Variants in PLEKHA6 observed in about 807,000 individuals in gnomAD.
The protein encoded by PLEKHA6 is pleckstrin homology domain containing A6.
PLEKHA6 carries 60 observed loss-of-function variants against 116.7 expected under a neutral mutation model. The ratio of observed to expected loss-of-function variants is 0.51; its 90% CI spans 0.42 to 0.64. The LOEUF (loss-of-function observed/expected upper bound fraction) is 0.64, where lower values mean the gene tolerates loss of function less well. Ranked by LOEUF, PLEKHA6 falls within the 30% of genes least tolerant of loss-of-function variation. The probability of loss-of-function intolerance (pLI) is 0.00; values close to 1 mark genes in which losing one functional copy is unlikely to be tolerated. For missense variants in PLEKHA6, 1,338 were observed against 1,422.7 expected (o/e 0.94, Z 0.96); for synonymous variants, 489 against 556.1 (o/e 0.88, Z 1.70).
In PLEKHA6 at chr1:204,223,531, G is replaced by T. The variant is rs145148095; in HGVS notation, c.3086C>A (p.Ala1029Glu). The T allele has an allele frequency of 6.4e-7, 1 of 1,550,744 alleles. No homozygotes were observed. The highest frequency in any genetic ancestry group is 8.7e-7 in the Non-Finnish European group (1 of 1,146,372). Reference protein sequence around the residue: ...PTSPASPAPPANPLSSESPRG... With the variant: ...PTSPASPAPPENPLSSESPRG... ...TGGGGATTCAGACGACAGGGGGTTT[G>T]CTGGAGGAGCCGGGGAAGCAGGGGA... Residue 1029 changes from alanine (A) to glutamate (E), a missense_variant, in exon 22 of 23, where the codon GCA (alanine) becomes GAA (glutamate). Coordinates refer to ENST00000272203, the MANE Select transcript of PLEKHA6 (RefSeq NM_014935.5). This position sits in a 1 kb window ranked among gnomAD's most constrained non-coding sequence, Gnocchi z 4.8.
intron 1 of PLEKHA6, among the ~76,000 whole-genome samples, chr1:204,305,292 G>A (rs1041048955): frequency 2.6e-5 from 4 of 152,182 alleles, no homozygotes; most frequent in East Asian, 1.9e-4. Context: ...AGGAAAGTGC[G>A]TGCATTGCTG....
At chr1:204,347,113 T>C in intron 1 of PLEKHA6, 1 of 1,185,624 alleles carries the variant, frequency 8.4e-7, no homozygotes, top group South Asian at 1.2e-5. Flanking sequence ...CATTCCTTTT[T>C]GAACAGTACC....
At chr1:204,309,928 A>C (rs1339752095) in intron 1 of PLEKHA6, 1 of 152,596 alleles carries the variant, frequency 6.6e-6, no homozygotes. Flanking sequence ...GAGCAGAAAC[A>C]AAAAAGCATA....
rs1475287376 is a variant in PLEKHA6 at position 204,229,030 on chromosome 1, G to C, written c.2658C>G (p.Gly886=). ...CCCGGGGTGTCTCGTAGGCATGCCCGCCAGGCTCCTCTGCCCGCAGGGCTG... is the reference window on the plus strand; with the variant it reads ...CCCGGGGTGTCTCGTAGGCATGCCCCCCAGGCTCCTCTGCCCGCAGGGCTG... ...LEAALRAEEP[G]GHAYETPREE... The change falls in exon 19 of 23, where the codon GGC becomes GGG. Residue 886 remains glycine, a synonymous_variant. Transcript: ENST00000272203. 6.2e-7 allele frequency: 1 copy of C among 1,614,096 alleles called. No homozygotes were observed. The highest frequency in any genetic ancestry group is 8.5e-7 in the Non-Finnish European group (1 of 1,179,992).
At chr1:204,229,821 T>C (rs1043784532) in intron 18 of PLEKHA6, among the ~76,000 whole-genome samples, 3 of 152,234 alleles carry the variant, frequency 2.0e-5, no homozygotes, top group Admixed American at 6.5e-5. Context: ...ATTTCTAAAA[T>C]TTAATGGAAA....
intron 15 of PLEKHA6, chr1:204,243,185 T>A: frequency 2.5e-6 from 1 of 399,134 alleles, no homozygotes; most frequent in East Asian, 3.6e-5. Flanking sequence ...CGGCTCTCGC[T>A]AGGGAGTGGA....
intron 17 of PLEKHA6, among the ~76,000 whole-genome samples, chr1:204,232,067 A>T (rs547969111): frequency 8.5e-5 from 13 of 152,320 alleles, no homozygotes; most frequent in Admixed American, 7.2e-4. Context: ...GAAGGAAATG[A>T]GAAACGTGTT....
intron 9 of PLEKHA6, among the ~76,000 whole-genome samples, chr1:204,251,925 C>T (rs1664627538): frequency 6.6e-6 from 1 of 152,206 alleles, no homozygotes; most frequent in South Asian, 2.1e-4. Context: ...CGGTTGTCAT[C>T]TCCCTGCCCT....
intron 2 of PLEKHA6, chr1:204,367,976 A>C (rs940754280): frequency 1.3e-5 from 2 of 152,198 alleles, no homozygotes; most frequent in African/African-American, 4.8e-5. Context: ...GAAAATCCAA[A>C]TATAAGCCAG....
chr1:204,340,940 A>C (rs907585788), intron 1 of PLEKHA6, among the ~76,000 whole-genome samples: 1 of 152,238 alleles, frequency 6.6e-6, no homozygotes, highest in African/African-American at 2.4e-5. Context: ...TCTTTTGTCC[A>C]GAGAAGATGG....
intron 1 of PLEKHA6, among the ~76,000 whole-genome samples, chr1:204,308,192 T>C (rs1463808771): frequency 6.6e-6 from 1 of 152,176 alleles, no homozygotes; most frequent in Admixed American, 6.5e-5. Flanking sequence ...GATGATGACA[T>C]GGCTTGGCAA....
In PLEKHA6 at chr1:204,366,101, A is replaced by G. The variant is rs377527072; in HGVS notation, c.218+1698T>C. ...CCAGTCATGGGACACGAGGTCAGAG[A>G]GGTGGACAGGTACGTTTCTAGGGAC... On this transcript the variant is annotated intron_variant, in intron 3 of 4. Transcript: ENST00000564627. Among the ~76,000 whole-genome samples, 93 of 152,318 alleles carry G rather than the reference A, an allele frequency of 6.1e-4. 1 individual carries two copies. The Middle Eastern group carries it at 0.017, about 28-fold the overall frequency.
intron 1 of PLEKHA6, among the ~76,000 whole-genome samples, chr1:204,298,261 C>A (rs1670480038): frequency 6.6e-6 from 1 of 152,180 alleles, no homozygotes; most frequent in Admixed American, 6.5e-5. Flanking sequence ...TTGTGAGCCC[C>A]AGATGGAATG....
rs144864218 is a variant in PLEKHA6, at chr1:204,329,488, C to A, written c.-95+30206G>T. Among the ~76,000 whole-genome samples, 1,014 of 152,246 alleles carry A rather than the reference C, an allele frequency of 6.7e-3. 35 individuals carry two copies. The highest frequency in any genetic ancestry group is 0.058 in the Admixed American group (891 of 15,288). ...AGAGAGTCATTAATAGGCAATTAGC[C>A]TGTAATGGATTAATGGAGCTAGGCA... On this transcript the variant is annotated intron_variant, in intron 1 of 22. Coordinates refer to ENST00000272203, the MANE Select transcript of PLEKHA6 (RefSeq NM_014935.5).
chr1:204,275,731 C>A (rs1425132738), intron 1 of PLEKHA6: 7 of 984,842 alleles, frequency 7.1e-6, no homozygotes, highest in Non-Finnish European at 6.0e-6. Flanking sequence ...TAATGGCAAC[C>A]CCCAAGATGG....
rs531566383 is a variant in PLEKHA6 at position 204,355,433 on chromosome 1, T to TTTTG, written c.-95+4257_-95+4260dup. On this transcript the variant is annotated intron_variant, in intron 1 of 22. Coordinates refer to ENST00000272203, the MANE Select transcript of PLEKHA6 (RefSeq NM_014935.5). ...ACCTGAGTTTGACCCCATAACTACGTTTTGTTTGTTTGTTTGTTTGTTTTG... is the reference window on the plus strand; with the variant it reads ...ACCTGAGTTTGACCCCATAACTACGTTTTGTTTGTTTGTTTGTTTGTTTGTTTTG... Among the ~76,000 whole-genome samples the TTTTG allele has an allele frequency of 2.1e-3, 318 of 152,038 alleles. 2 individuals are homozygous for TTTTG. Among genetic ancestry groups the TTTTG allele is most frequent in the African/African-American group, 7.0e-3 (292 of 41,488 alleles).
intron 3 of PLEKHA6, 33 bp from the exon 4 acceptor site, chr1:204,268,345 C>A (rs762675449): frequency 1.4e-6 from 2 of 1,463,480 alleles, no homozygotes; most frequent in Non-Finnish European, 1.9e-6. Flanking sequence ...ATCTAGGTCC[C>A]CAGTCTCCTC....
At chr1:204,243,739 C>T (rs544322878) in intron 15 of PLEKHA6, among the ~76,000 whole-genome samples, 20 of 152,302 alleles carry the variant, frequency 1.3e-4, no homozygotes, top group Admixed American at 7.2e-4. Flanking sequence ...ATGAATTGGT[C>T]TTGGTCCATA....
chr1:204,258,878 A>T (rs1353939036), intron 8 of PLEKHA6, among the ~76,000 whole-genome samples: 1 of 152,212 alleles, frequency 6.6e-6, no homozygotes, highest in Non-Finnish European at 1.5e-5. Context: ...AAGTGGGTGG[A>T]GCACTGGGGA....
Sources: gnomAD v4.1 joint callset for allele counts (sites outside exome capture counted in the v4.1 genomes callset) on GRCh38, gnomAD v4.1.1 for gene constraint, Gnocchi (gnomAD v3.1) non-coding constraint, MANE v1.5 for transcripts, NCBI Gene and HGNC (gene_info 2026-07-23, HGNC 2026-07-21) for gene names.